SOX6: variants seen among roughly 807,000 people sequenced by gnomAD.
The protein encoded by SOX6 is SRY-box transcription factor 6, also known as transcription factor SOX-6.
SOX6 carries 11 observed loss-of-function variants against 97.8 expected under a neutral mutation model. The ratio of observed to expected loss-of-function variants is 0.11; its 90% CI spans 0.07 to 0.19. The LOEUF (loss-of-function observed/expected upper bound fraction) is 0.19, where lower values mean the gene tolerates loss of function less well. Ranked by LOEUF, SOX6 falls within the 10% of genes least tolerant of loss-of-function variation. SOX6 has a pLI of 1.00. For missense variants in SOX6, 810 were observed against 1,039.5 expected (o/e 0.78, Z 3.04); for synonymous variants, 360 against 371.4 (o/e 0.97, Z 0.35).
At chr11:16,601,757 T>C (rs1224921587) in intron 4 of SOX6, among the ~76,000 whole-genome samples, 1 of 152,110 alleles carries the variant, frequency 6.6e-6, no homozygotes, top group Admixed American at 6.5e-5. Context: ...ATTTCATCAG[T>C]GACCAATAAC....
chr11:15,992,975 TAAGA>T lies in SOX6; in HGVS notation c.1733-3749_1733-3746del, dbSNP rs1307291619. Among the ~76,000 whole-genome samples the T allele has an allele frequency of 3.9e-5, 6 of 152,212 alleles. No homozygotes were observed. In the East Asian group the frequency reaches 1.2e-3, roughly 29 times the overall value. On this transcript the variant is annotated intron_variant, in intron 13 of 15. Transcript: ENST00000683767. The stretch of plus-strand genomic sequence containing the variant: ...TGAATTAAACTTAGATTCAGAATTT[TAAGA>T]AAGTATTAGAGGCCACAAAGTCAAA...
At chr11:16,471,861 T>C (rs1373918986) in intron 1 of SOX6, among the ~76,000 whole-genome samples, 1 of 152,202 alleles carries the variant, frequency 6.6e-6, no homozygotes. Context: ...AACAAGCATA[T>C]GTAAATTCTC....
At chr11:16,671,524 T>G (rs934397782) in intron 3 of SOX6, among the ~76,000 whole-genome samples, 4 of 152,016 alleles carry the variant, frequency 2.6e-5, no homozygotes, top group Admixed American at 6.6e-5. Context: ...AACAGCAGAA[T>G]AGACCAAACT....
chr11:16,641,267 T>C (rs533408844), intron 3 of SOX6, among the ~76,000 whole-genome samples: 1 of 152,368 alleles, frequency 6.6e-6, no homozygotes, highest in South Asian at 2.1e-4. Context: ...CACTGTGGTC[T>C]GAGAGACAGT....
chr11:16,089,288 CG>C (rs1003745355), intron 9 of SOX6, among the ~76,000 whole-genome samples: 28 of 151,942 alleles, frequency 1.8e-4, no homozygotes, highest in African/African-American at 6.8e-4. Flanking sequence ...TTTAGAAAAC[CG>C]GGGGGAAAGC....
chr11:16,640,518 C>T (rs1848891999), intron 3 of SOX6, among the ~76,000 whole-genome samples: 2 of 152,172 alleles, frequency 1.3e-5, no homozygotes, highest in African/African-American at 4.8e-5. Flanking sequence ...TGGTAGAATT[C>T]AGCTGTGAAT....
chr11:16,015,827 C>T (rs1278729066), intron 12 of SOX6, among the ~76,000 whole-genome samples: 1 of 151,930 alleles, frequency 6.6e-6, no homozygotes, highest in Non-Finnish European at 1.5e-5. Flanking sequence ...AGCTCATGTC[C>T]CCCTCTCGTC....
intron 1 of SOX6, among the ~76,000 whole-genome samples, chr11:16,355,866 C>A (rs1857059016): frequency 6.6e-6 from 1 of 151,810 alleles, no homozygotes; most frequent in Admixed American, 6.6e-5. Flanking sequence ...CATATTCAAC[C>A]CTCAGGAAAA....
chr11:16,482,766 T>C (rs1309283484), intron 4 of SOX6, among the ~76,000 whole-genome samples: 1 of 142,806 alleles, frequency 7.0e-6, no homozygotes, highest in Non-Finnish European at 1.5e-5. Context: ...GTAAGTGCCT[T>C]ATACATACTT....
chr11:16,061,319 G>C (rs1287546380), intron 9 of SOX6, among the ~76,000 whole-genome samples: 2 of 140,022 alleles, frequency 1.4e-5, no homozygotes, highest in African/African-American at 5.3e-5. Context: ...AAAAAAAACA[G>C]GAATATATTT....
At chr11:16,454,370 C>T (rs1859775045) in intron 1 of SOX6, among the ~76,000 whole-genome samples, 1 of 151,984 alleles carries the variant, frequency 6.6e-6, no homozygotes, top group Admixed American at 6.6e-5. Context: ...ATAAAGCCAT[C>T]CCAAAAAAGT....
intron 1 of SOX6, among the ~76,000 whole-genome samples, chr11:16,399,974 G>A (rs1194193419): frequency 6.6e-6 from 1 of 151,320 alleles, no homozygotes; most frequent in Non-Finnish European, 1.5e-5. Flanking sequence ...AAGAAAAAAG[G>A]ATTCTTAACT....
chr11:16,276,963 G>A (rs898212344), intron 3 of SOX6, among the ~76,000 whole-genome samples: 3 of 152,112 alleles, frequency 2.0e-5, no homozygotes, highest in Non-Finnish European at 4.4e-5. Context: ...CTTTTCACAC[G>A]CAGTGAGCAT....
At position 16,085,542 on chromosome 11, in the gene SOX6, C is replaced by A. The variant is rs1848558964; in HGVS notation, c.1101+10454G>T. On this transcript the variant is annotated intron_variant, in intron 9 of 15. Transcript: ENST00000683767. ...ACTTTCCAATTTTTTTAGAAAATTT[C>A]TCTCCCAGCTGACTAGAGCAGAGCT... Among the ~76,000 whole-genome samples, 2 of 152,074 alleles carry A rather than the reference C, an allele frequency of 1.3e-5. 1 individual carries two copies. The highest frequency in any genetic ancestry group is 4.1e-4 in the South Asian group (2 of 4,824).
intron 6 of SOX6, among the ~76,000 whole-genome samples, chr11:16,136,970 A>G (rs1188081654): frequency 6.6e-6 from 1 of 152,202 alleles, no homozygotes. Flanking sequence ...ATCATGTTAC[A>G]AGTGATGAGC....
At position 15,972,848 on chromosome 11, in the gene SOX6, G is replaced by A. The variant is rs1255311876; in HGVS notation, c.2448C>T (p.Ser816=). ...CAGCCTCCGGGGCTTCATTTTCACT[G>A]CTATAGTCTGATTTGGGGTCATCTT... is the stretch of plus-strand genomic sequence containing the variant. ...DYEDDPKSDY[S]SENEAPEAVS... is the part of the protein sequence containing the mutation. The change falls in exon 16 of 16, where the codon AGC becomes AGT. Residue 816 remains serine (S), a synonymous_variant. Transcript: ENST00000683767. 8 of 1,614,042 alleles carry A rather than the reference G, an allele frequency of 5.0e-6. No homozygotes were observed. The highest frequency in any genetic ancestry group is 5.1e-6 in the Non-Finnish European group (6 of 1,180,030).
intron 3 of SOX6, among the ~76,000 whole-genome samples, chr11:16,614,335 G>A (rs1848442127): frequency 6.6e-6 from 1 of 152,066 alleles, no homozygotes; most frequent in Admixed American, 6.5e-5. Context: ...TCAGGGACGC[G>A]GCCAGACCCA....
intron 1 of SOX6, among the ~76,000 whole-genome samples, chr11:16,444,150 G>C (rs1417713868): frequency 6.6e-6 from 1 of 151,700 alleles, no homozygotes; most frequent in African/African-American, 2.4e-5. Flanking sequence ...AAAGTAAGTT[G>C]TTTTAGTATA....
intron 4 of SOX6, among the ~76,000 whole-genome samples, chr11:16,198,163 C>A (rs1337760247): frequency 6.6e-6 from 1 of 151,808 alleles, no homozygotes; most frequent in Non-Finnish European, 1.5e-5. Context: ...AAGCAATTCT[C>A]CTGCATCAGC....
Sources: allele counts gnomAD v4.1 joint callset (sites outside exome capture counted in the v4.1 genomes callset), GRCh38; gene constraint gnomAD v4.1.1; transcripts MANE v1.5; gene names NCBI Gene and HGNC (gene_info 2026-07-23, HGNC 2026-07-21).